NBEA: variants seen among roughly 807,000 people sequenced by gnomAD.
NBEA encodes the protein neurobeachin.
A neutral mutation model predicts 343.4 loss-of-function variants in NBEA; 44 were observed. The ratio of observed to expected loss-of-function variants is 0.13; its 90% confidence interval spans 0.10 to 0.16. The LOEUF (loss-of-function observed/expected upper bound fraction) is 0.16, where lower values mean the gene tolerates loss of function less well. Among genes scored for constraint, NBEA ranks in the 10% least tolerant of loss-of-function variants. The pLI, the probability that NBEA is intolerant of heterozygous loss-of-function variation, is 1.00. For synonymous variants in NBEA, 1,175 were observed against 1,238.7 expected (o/e 0.95, Z 1.08); for missense variants, 2,555 against 3,631.3 (o/e 0.70, Z 7.62).
chr13:34,985,017 G>A (rs1231650401), intron 1 of NBEA, among the ~76,000 whole-genome samples: 3 of 150,950 alleles, frequency 2.0e-5, no homozygotes, highest in Non-Finnish European at 1.5e-5. Flanking sequence ...TTTCCTAATT[G>A]AATATGCTTT....
intron 36 of NBEA, among the ~76,000 whole-genome samples, chr13:35,341,805 A>G (rs1048294029): frequency 6.6e-6 from 1 of 152,066 alleles, no homozygotes; most frequent in Non-Finnish European, 1.5e-5. Flanking sequence ...GCCACTGTGG[A>G]AAAGAGTTTG....
Position 35,301,860 on chromosome 13 carries a change from T to A in NBEA, c.5839-7668T>A, listed in dbSNP as rs9573527. Among the ~76,000 whole-genome samples, 1,844 of 152,300 alleles carry A rather than the reference T, an allele frequency of 0.012. 97 individuals carry two copies. The East Asian group carries it at 0.18, about 15-fold the overall frequency. On this transcript the variant is annotated intron_variant, in intron 35 of 58. Transcript: ENST00000379939. ...TCGCCAGCATCTGTTGCTTCCAGAC[T>A]TTTTAATGATCGCCATTCTAACTGG...
At chr13:35,430,042 G>C (rs1279572991) in intron 38 of NBEA, among the ~76,000 whole-genome samples, 1 of 151,978 alleles carries the variant, frequency 6.6e-6, no homozygotes, top group African/African-American at 2.4e-5. Context: ...TCTCCACACT[G>C]TTTTTCATTG....
chr13:35,475,872 C>T, intron 41 of NBEA: 1 of 1,614,068 alleles, frequency 6.2e-7, no homozygotes. Flanking sequence ...AGCCATCGTC[C>T]ACGAAGTTGA....
At chr13:35,621,608 A>G (rs2082994436) in intron 48 of NBEA, among the ~76,000 whole-genome samples, 2 of 152,254 alleles carry the variant, frequency 1.3e-5, no homozygotes, top group South Asian at 2.1e-4. Context: ...GTTCACTGCT[A>G]TAATCTTACA....
At chr13:35,396,761 A>G (rs939836282) in intron 38 of NBEA, among the ~76,000 whole-genome samples, 1 of 152,148 alleles carries the variant, frequency 6.6e-6, no homozygotes, top group African/African-American at 2.4e-5. Context: ...TATAATTGCT[A>G]TCTGTTAGAG....
At chr13:35,570,243 C>T (rs184011839) in intron 45 of NBEA, among the ~76,000 whole-genome samples, 318 of 152,272 alleles carry the variant, frequency 2.1e-3, no homozygotes, top group Middle Eastern at 3.4e-3. Flanking sequence ...ACTATGTTGG[C>T]CAGGCTCGTC....
intron 1 of NBEA, among the ~76,000 whole-genome samples, chr13:34,989,921 G>A (rs1394647630): frequency 1.3e-5 from 2 of 151,056 alleles, no homozygotes; most frequent in South Asian, 4.2e-4. Context: ...AAACAAAGGG[G>A]TTACAGACCC....
intron 16 of NBEA, among the ~76,000 whole-genome samples, chr13:35,119,686 C>T (rs1172459922): frequency 1.3e-5 from 2 of 152,028 alleles, no homozygotes; most frequent in Non-Finnish European, 1.5e-5. Flanking sequence ...CCCGGGTTCA[C>T]GCCATTCTCC....
chr13:35,475,886 C>A (rs2075840538), intron 41 of NBEA: 1 of 1,614,108 alleles, frequency 6.2e-7, no homozygotes, highest in Non-Finnish European at 8.5e-7. Flanking sequence ...AAGTTGAACA[C>A]CCCCATTTGG....
At chr13:35,476,206 A>C in intron 41 of NBEA, 1 of 1,610,036 alleles carries the variant, frequency 6.2e-7, no homozygotes, top group Non-Finnish European at 8.5e-7. Context: ...TGCGGCTGCT[A>C]GAGCTGGAGC....
chr13:35,668,125 C>A (rs981059177), intron 57 of NBEA, among the ~76,000 whole-genome samples: 1 of 152,030 alleles, frequency 6.6e-6, no homozygotes, highest in African/African-American at 2.4e-5. Flanking sequence ...GGAATTTAAT[C>A]TTGGTTTTAA....
chr13:35,475,932 G>A (rs1334924771), intron 41 of NBEA: 6 of 1,614,040 alleles, frequency 3.7e-6, no homozygotes, highest in Non-Finnish European at 5.1e-6. Context: ...CGGTGGGGGA[G>A]ATGACCTCGA....
chr13:35,595,903 C>T (rs187717315), intron 47 of NBEA, among the ~76,000 whole-genome samples: 7 of 151,942 alleles, frequency 4.6e-5, no homozygotes, highest in Non-Finnish European at 1.0e-4. Flanking sequence ...TTTTGAGTGA[C>T]GTGGAACATT....
intron 38 of NBEA, among the ~76,000 whole-genome samples, chr13:35,427,990 G>A (rs1421159755): frequency 6.6e-6 from 1 of 152,194 alleles, no homozygotes; most frequent in Non-Finnish European, 1.5e-5. Context: ...GGAAAGCGCA[G>A]TATTAGGGTG....
At chr13:35,431,210 A>G (rs905034972) in intron 38 of NBEA, among the ~76,000 whole-genome samples, 1 of 152,128 alleles carries the variant, frequency 6.6e-6, no homozygotes, top group Non-Finnish European at 1.5e-5. Flanking sequence ...AGCAAAACAT[A>G]CATAGGTCCT....
At chr13:35,155,442 GGT>G (rs904059915) in intron 18 of NBEA, among the ~76,000 whole-genome samples, 14 of 152,132 alleles carry the variant, frequency 9.2e-5, no homozygotes, top group African/African-American at 2.9e-4. Context: ...TGATCAATAT[GGT>G]GAAACCCTGT....
intron 41 of NBEA, among the ~76,000 whole-genome samples, chr13:35,479,902 G>A (rs1420179844): frequency 1.3e-5 from 2 of 151,890 alleles, no homozygotes; most frequent in Non-Finnish European, 2.9e-5. Context: ...AGGAAAACTG[G>A]CCTAATTGAA....
At chr13:35,099,797 C>G (rs1158234626) in intron 11 of NBEA, among the ~76,000 whole-genome samples, 1 of 151,988 alleles carries the variant, frequency 6.6e-6, no homozygotes. Flanking sequence ...CAAAGCTGTG[C>G]TTTTATGATG....
Sources: allele counts gnomAD v4.1 joint callset (sites outside exome capture counted in the v4.1 genomes callset), GRCh38; gene constraint gnomAD v4.1.1; transcripts MANE v1.5; gene names NCBI Gene and HGNC (gene_info 2026-07-23, HGNC 2026-07-21).